DCN: variants seen among roughly 807,000 people sequenced by gnomAD.
The protein encoded by DCN is bone proteoglycan II.
DCN carries 17 observed loss-of-function variants against 36.5 expected under a neutral mutation model. The observed-to-expected ratio is 0.47, with a 90% CI of 0.32 to 0.70. The LOEUF (loss-of-function observed/expected upper bound fraction) is 0.70. DCN is among the 30% of genes least tolerant of loss of function. The pLI is 0.04. For synonymous variants in DCN, 163 were observed against 161.4 expected (o/e 1.01, Z -0.07); for missense variants, 389 against 430.1 (o/e 0.90, Z 0.84).
chr12:91,149,127 C>T (rs1881241699), intron 7 of DCN, among the ~76,000 whole-genome samples: 1 of 150,530 alleles, frequency 6.6e-6, no homozygotes, highest in South Asian at 2.1e-4. Flanking sequence ...CAAAGCCAGA[C>T]AAAATTCATC....
rs982613842 is a variant in DCN at position 91,144,976 on chromosome 12, T to C, written c.*1082A>G. The C allele has an allele frequency of 6.6e-6, 1 of 152,244 alleles. No homozygotes were observed. Among genetic ancestry groups the C allele is most frequent in the African/African-American group, 2.4e-5 (1 of 41,470 alleles). The allele number at this position is 152,244 out of a possible 1,614,324, so 9.4% of individuals were successfully genotyped here. ...TGTATTTCAATTATTTTTTCCCATA[T>C]GAAACTATGATTTATAGGGGTTTTA... On this transcript the variant is annotated 3_prime_UTR_variant, in exon 8 of 8. Coordinates refer to ENST00000052754, the MANE Select transcript of DCN (RefSeq NM_001920.5).
chr12:91,167,605 T>G (rs373262334), intron 2 of DCN, among the ~76,000 whole-genome samples: 3 of 152,120 alleles, frequency 2.0e-5, no homozygotes, highest in African/African-American at 7.2e-5. Flanking sequence ...GGCTCTTCTT[T>G]TGTTAGGTTT....
rs1056413209 is a variant in DCN, at chr12:91,144,997, T to A, written c.*1061A>T. The A allele has an allele frequency of 6.6e-6, 1 of 152,222 alleles. No individual in the cohort carries two copies. Among genetic ancestry groups the A allele is most frequent in the African/African-American group, 2.4e-5 (1 of 41,460 alleles). The allele number at this position is 152,222 out of a possible 1,614,324, so 9.4% of individuals were successfully genotyped here. On this transcript the variant is annotated 3_prime_UTR_variant, in exon 8 of 8. Transcript: ENST00000052754. ...CATATGAAACTATGATTTATAGGGG[T>A]TTTAACCATCAAATATCTAACTTCA...
At position 91,143,265 on chromosome 12, in the gene DCN, A is replaced by G. The variant is rs947698511; in HGVS notation, c.*2793T>C. 1 of 152,232 alleles carries G rather than the reference A, an allele frequency of 6.6e-6. No homozygotes were observed. Among genetic ancestry groups the G allele is most frequent in the African/African-American group, 2.4e-5 (1 of 41,446 alleles). 9.4% of individuals were successfully genotyped at this position (152,232 alleles called of 1,614,324 possible). A position where few individuals can be genotyped will look rare whatever the true frequency, so the allele number is the denominator to read the frequency against. On this transcript the variant is annotated 3_prime_UTR_variant, in exon 8 of 8. Coordinates refer to ENST00000052754, the MANE Select transcript of DCN (RefSeq NM_001920.5). ...TTTTTAGCCTCCAGAATTGTGAGAAAGTAAGTTTCTGTTGTTTTAAGCCAC... is the reference window on the plus strand; with the variant it reads ...TTTTTAGCCTCCAGAATTGTGAGAAGGTAAGTTTCTGTTGTTTTAAGCCAC...
intron 7 of DCN, chr12:91,150,681 A>T (rs1236249796): frequency 6.6e-6 from 1 of 152,194 alleles, no homozygotes; most frequent in African/African-American, 2.4e-5. Context: ...AAGACAGTGT[A>T]GCAATTCCTC....
Position 91,146,141 on chromosome 12 carries a change from G to A in DCN, c.997C>T (p.Pro333Ser). 1 of 1,613,772 alleles carries A rather than the reference G, an allele frequency of 6.2e-7. No individual in the cohort carries two copies. Among genetic ancestry groups the A allele is most frequent in the Non-Finnish European group, 8.5e-7 (1 of 1,179,882 alleles). Reference protein sequence around the residue: ...SYSGVSLFSNPVQYWEIQPST... With the variant: ...SYSGVSLFSNSVQYWEIQPST... ...GGCTGTATCTCCCAGTACTGGACCG[G>A]GTTGCTGAAAAGACTCACACCCGAA... Residue 333 changes from proline to serine, a missense_variant, in exon 8 of 8, where the codon CCG (proline) becomes TCG (serine). Physicochemically the swap from Pro to Ser is moderately conservative, Grantham distance 74. Coordinates refer to ENST00000052754, the MANE Select transcript of DCN (RefSeq NM_001920.5).
At position 91,157,106 on chromosome 12, in the gene DCN, A is replaced by C. The variant is rs373676217; in HGVS notation, c.621T>G (p.Ile207Met). The C allele has an allele frequency of 2.6e-5, 42 of 1,611,526 alleles. 2 individuals are homozygous for C. In the African/African-American group the frequency reaches 4.4e-4, roughly 17 times the overall value. Residue 207 changes from isoleucine (I) to methionine (M), a missense_variant, in exon 5 of 8, where the codon ATT becomes ATG. Ile to Met is a conservative substitution (Grantham distance 10). Transcript: ENST00000052754. ...QGMKKLSYIR[I>M]ADTNITSIPQ... ...GAATGCTGGTGATATTGGTATCAGCAATGCGGATGTAGGAGAGCTTCTTCA... is the reference window on the plus strand; with the variant it reads ...GAATGCTGGTGATATTGGTATCAGCCATGCGGATGTAGGAGAGCTTCTTCA...
chr12:91,165,516 T>C (rs1565783154), intron 2 of DCN, among the ~76,000 whole-genome samples: 1 of 152,146 alleles, frequency 6.6e-6, no homozygotes, highest in East Asian at 1.9e-4. Flanking sequence ...ATTCAGCTAG[T>C]CATATAAGGA....
chr12:91,145,786 C>A lies in DCN; in HGVS notation c.*272G>T. ...CTAAATATTGACATATATATTTACT[C>A]CAAATTTTACATTTAGTGAAATAAG... is the stretch of plus-strand genomic sequence containing the variant. On this transcript the variant is annotated 3_prime_UTR_variant, in exon 8 of 8. Transcript: ENST00000052754. 2.2e-6 allele frequency: 1 copy of A among 457,592 alleles called. No individual in the cohort carries two copies. The allele number at this position is 457,592 out of a possible 1,614,324, so 28.3% of individuals were successfully genotyped here.
At chr12:91,171,756 C>G (rs983569089) in intron 2 of DCN, among the ~76,000 whole-genome samples, 1 of 152,140 alleles carries the variant, frequency 6.6e-6, no homozygotes, top group African/African-American at 2.4e-5. Context: ...ATTATAAATC[C>G]CGGGTAACAT....
At chr12:91,172,944 A>C (rs1325607066) in intron 2 of DCN, 12 of 500,808 alleles carry the variant, frequency 2.4e-5, no homozygotes, top group Non-Finnish European at 3.8e-5. Flanking sequence ...TATATAATTG[A>C]TTATTATAGA....
chr12:91,146,582 G>T (rs1227520517), intron 7 of DCN, among the ~76,000 whole-genome samples: 2 of 151,980 alleles, frequency 1.3e-5, no homozygotes, highest in Non-Finnish European at 2.9e-5. Context: ...TAGAACTTCT[G>T]ACCTCAAGTG....
chr12:91,176,449 A>G (rs1168013241), intron 2 of DCN: 1 of 152,152 alleles, frequency 6.6e-6, no homozygotes, highest in Non-Finnish European at 1.5e-5. Context: ...TGGCAACAAC[A>G]AAACTGTCAT....
At chr12:91,172,171 T>C (rs1275416103) in intron 2 of DCN, 1 of 152,118 alleles carries the variant, frequency 6.6e-6, no homozygotes, top group East Asian at 1.9e-4. Flanking sequence ...ATTTCCCTTC[T>C]TTTGGTTATC....
chr12:91,145,727 A>AT lies in DCN; in HGVS notation c.*330dup. On this transcript the variant is annotated 3_prime_UTR_variant, in exon 8 of 8. Transcript: ENST00000052754. ...ATTACAGAAGACTCATACTCTTTTT[A>AT]TTTTTTCCTGGAAATTAAAAAAGAA... 2 of 410,756 alleles carry AT rather than the reference A, an allele frequency of 4.9e-6. No homozygotes were observed. Among genetic ancestry groups the AT allele is most frequent in the Non-Finnish European group, 9.3e-6 (2 of 215,622 alleles). 25.4% of individuals were successfully genotyped at this position (410,756 alleles called of 1,614,324 possible).
chr12:91,142,276 AGTT>A lies in DCN; in HGVS notation c.*3779_*3781del, dbSNP rs752017132. On this transcript the variant is annotated 3_prime_UTR_variant, in exon 8 of 8. Transcript: ENST00000052754. ...TGAAGGACAGTGAAGTCTTGTGAAG[AGTT>A]GTTGTGTGTGTGAAGGGGCAGTCTT... 4 of 152,172 alleles carry A rather than the reference AGTT, an allele frequency of 2.6e-5. No individual in the cohort carries two copies. The highest frequency in any genetic ancestry group is 4.4e-5 in the Non-Finnish European group (3 of 68,040). 9.4% of individuals were successfully genotyped at this position (152,172 alleles called of 1,614,324 possible).
intron 5 of DCN, among the ~76,000 whole-genome samples, chr12:91,156,090 G>C (rs1375563730): frequency 1.3e-5 from 2 of 152,176 alleles, no homozygotes; most frequent in Non-Finnish European, 2.9e-5. Context: ...GAGTAGGGAC[G>C]ATGTGCAAGT....
Position 91,144,360 on chromosome 12 carries a change from T to C in DCN, c.*1698A>G, listed in dbSNP as rs1880891640. The C allele has an allele frequency of 6.6e-6, 1 of 152,178 alleles. No individual in the cohort carries two copies. Among genetic ancestry groups the C allele is most frequent in the Non-Finnish European group, 1.5e-5 (1 of 68,040 alleles). The allele number at this position is 152,178 out of a possible 1,614,324, so 9.4% of individuals were successfully genotyped here. A position where few individuals can be genotyped will look rare whatever the true frequency, so the allele number is the denominator to read the frequency against. On this transcript the variant is annotated 3_prime_UTR_variant, in exon 8 of 8. Coordinates refer to ENST00000052754, the MANE Select transcript of DCN (RefSeq NM_001920.5). Reference sequence around the variant, plus strand: ...TCTGAACAACAACAAAAAAAGTCCATTTATGGACATGCACCTTGAATTCCT... The same window carrying C: ...TCTGAACAACAACAAAAAAAGTCCACTTATGGACATGCACCTTGAATTCCT...
At position 91,150,250 on chromosome 12, in the gene DCN, C is replaced by T. The variant is rs144941156; in HGVS notation, c.885+1404G>A. 1.1e-3 allele frequency among the ~76,000 whole-genome samples: 162 copies of T among 152,098 alleles called. 2 individuals are homozygous for T. The East Asian group carries it at 0.02, about 19-fold the overall frequency. Reference sequence around the variant, plus strand: ...TAGAATTGAAAGTCCAGAAATAAACCCTTACATTTATGATCGAGTGATTTT... The same window carrying T: ...TAGAATTGAAAGTCCAGAAATAAACTCTTACATTTATGATCGAGTGATTTT... On this transcript the variant is annotated intron_variant, in intron 7 of 7. Coordinates refer to ENST00000052754, the MANE Select transcript of DCN (RefSeq NM_001920.5).
Sources: allele counts gnomAD v4.1 joint callset (sites outside exome capture counted in the v4.1 genomes callset), GRCh38; gene constraint gnomAD v4.1.1; transcripts MANE v1.5; gene names NCBI Gene and HGNC (gene_info 2026-07-23, HGNC 2026-07-21).